The following SPRY3 variants were observed in gnomAD, a reference collection of about 807,000 sequenced individuals.
SPRY3 encodes sprouty RTK signaling antagonist 3.
In SPRY3, 15 loss-of-function variants were observed where a neutral mutation model predicts 20.2. The ratio of observed to expected loss-of-function variants is 0.74; its 90% confidence interval spans 0.50 to 1.14. The LOEUF (loss-of-function observed/expected upper bound fraction) is 1.14. Ranked by LOEUF, SPRY3 falls within the 50% of genes most tolerant of loss-of-function variation. The pLI is 0.00. For synonymous variants in SPRY3, 143 were observed against 136.5 expected (o/e 1.05, Z -0.33); for missense variants, 364 against 363.9 (o/e 1.00, Z 0.00).
intron 2 of SPRY3, among the ~76,000 whole-genome samples, chrX:155,744,152 G>T (rs1394910032): frequency 6.6e-6 from 1 of 152,054 alleles, no homozygotes; most frequent in Non-Finnish European, 1.5e-5. Context: ...TGAACTGGGT[G>T]GATGTTTGGG....
At chrX:155,707,651 A>G (rs1207938098) in intron 2 of SPRY3, among the ~76,000 whole-genome samples, 1 of 151,148 alleles carries the variant, frequency 6.6e-6, no homozygotes, top group Non-Finnish European at 1.5e-5. Flanking sequence ...TAATTGTTAC[A>G]TATTTATGAT....
intron 2 of SPRY3, among the ~76,000 whole-genome samples, chrX:155,722,350 A>T (rs1785765003): frequency 6.6e-6 from 1 of 152,218 alleles, no homozygotes; most frequent in East Asian, 1.9e-4. Context: ...GTGAAACCCC[A>T]TCTCTACTAA....
intron 2 of SPRY3, among the ~76,000 whole-genome samples, chrX:155,680,417 T>C (rs771715565): frequency 9.1e-6 from 1 of 109,294 alleles, no homozygotes; most frequent in Non-Finnish European, 1.9e-5. Flanking sequence ...GTCATCTAAT[T>C]TGAGAGACTT....
chrX:155,661,299 G>A (rs1319533526), intron 2 of SPRY3, among the ~76,000 whole-genome samples: 2 of 111,644 alleles, frequency 1.8e-5, no homozygotes, highest in African/African-American at 6.5e-5. Context: ...GCTTAGTTTA[G>A]TGGGACACAA....
At chrX:155,760,610 C>T (rs964701316) in intron 2 of SPRY3, among the ~76,000 whole-genome samples, 1 of 152,110 alleles carries the variant, frequency 6.6e-6, no homozygotes, top group Non-Finnish European at 1.5e-5. Flanking sequence ...ACAATTTTTC[C>T]ACCACGGTGG....
At chrX:155,665,883 G>A (rs1557354301) in intron 2 of SPRY3, among the ~76,000 whole-genome samples, 1 of 111,395 alleles carries the variant, frequency 9.0e-6, no homozygotes, top group Non-Finnish European at 1.9e-5. Flanking sequence ...GGATATATAG[G>A]TGCTTTTTAA....
intron 2 of SPRY3, among the ~76,000 whole-genome samples, chrX:155,667,947 A>G (rs188312376): frequency 9.0e-6 from 1 of 111,336 alleles, no homozygotes; most frequent in African/African-American, 3.2e-5. Context: ...CTGAAATTAA[A>G]CAATAGACTC....
chrX:155,720,775 C>T (rs1330267495), intron 2 of SPRY3, among the ~76,000 whole-genome samples: 7 of 152,128 alleles, frequency 4.6e-5, no homozygotes, highest in Non-Finnish European at 7.3e-5. Context: ...ATCACAACCC[C>T]CAAGTCTTAC....
At chrX:155,677,656 T>G (rs1255396186) in intron 2 of SPRY3, among the ~76,000 whole-genome samples, 1 of 111,763 alleles carries the variant, frequency 8.9e-6, no homozygotes, top group Non-Finnish European at 1.9e-5. Context: ...GACCTCCATG[T>G]GTATCACTTT....
intron 2 of SPRY3, among the ~76,000 whole-genome samples, chrX:155,695,913 A>G (rs1165303560): frequency 9.0e-6 from 1 of 111,034 alleles, no homozygotes; most frequent in Non-Finnish European, 1.9e-5. Context: ...TCATATGACA[A>G]TTTTAACATC....
intron 2 of SPRY3, among the ~76,000 whole-genome samples, chrX:155,718,366 A>T (rs2091035617): frequency 6.6e-6 from 1 of 152,172 alleles, no homozygotes; most frequent in Non-Finnish European, 1.5e-5. Context: ...CCCCATAACT[A>T]TGTATAATTT....
intron 2 of SPRY3, among the ~76,000 whole-genome samples, chrX:155,705,191 C>A (rs1483327200): frequency 6.6e-6 from 1 of 151,292 alleles, no homozygotes; most frequent in Non-Finnish European, 1.5e-5. Flanking sequence ...ATATTTATAG[C>A]ATATATAAAA....
chrX:155,693,458 T>C (rs2068109637), intron 2 of SPRY3, among the ~76,000 whole-genome samples: 1 of 112,162 alleles, frequency 8.9e-6, no homozygotes, highest in African/African-American at 3.2e-5. Context: ...TATTCTGCAA[T>C]TGCCTGGTGT....
chrX:155,737,435 C>T (rs1271534530), intron 2 of SPRY3, among the ~76,000 whole-genome samples: 1 of 151,930 alleles, frequency 6.6e-6, no homozygotes, highest in Non-Finnish European at 1.5e-5. Context: ...AGTAAACAGA[C>T]AACTATAATA....
intron 3 of SPRY3, among the ~76,000 whole-genome samples, chrX:155,773,307 G>GAGATATATAT (rs1556238553): frequency 2.5e-5 from 3 of 120,740 alleles, no homozygotes; most frequent in African/African-American, 3.1e-5. Flanking sequence ...ATTTTGATTG[G>GAGATATATAT]ATATATATAT....
chrX:155,781,572 T>G (rs185437418), downstream of SPRY3: 15 of 167,068 alleles, frequency 9.0e-5, no homozygotes, highest in East Asian at 2.9e-3. Flanking sequence ...AGGCCAGAAT[T>G]CTTGTCTTTA....
chrX:155,705,636 G>T (rs2090945269), intron 2 of SPRY3, among the ~76,000 whole-genome samples: 2 of 151,136 alleles, frequency 1.3e-5, no homozygotes, highest in South Asian at 2.1e-4. Flanking sequence ...TAACTGTAAA[G>T]GTATAGATAT....
intron 2 of SPRY3, among the ~76,000 whole-genome samples, chrX:155,695,598 T>C (rs2068116167): frequency 9.0e-6 from 1 of 111,075 alleles, no homozygotes; most frequent in South Asian, 3.7e-4. Flanking sequence ...ATTATACATA[T>C]ACTGAACATT....
exon 4 of SPRY3, chrX:155,773,851 G>C: frequency 6.2e-7 from 1 of 1,606,240 alleles, no homozygotes; most frequent in South Asian, 1.1e-5. Flanking sequence ...AAACCACTCA[G>C]AGCTAAAAAA....
Sources: gnomAD v4.1 joint callset for allele counts (sites outside exome capture counted in the v4.1 genomes callset) on GRCh38, gnomAD v4.1.1 for gene constraint, MANE v1.5 for transcripts, NCBI Gene and HGNC (gene_info 2026-07-23, HGNC 2026-07-21) for gene names.